PLXNC1: variants seen among roughly 807,000 people sequenced by gnomAD.
PLXNC1 encodes the protein plexin-C1.
PLXNC1 carries 75 observed loss-of-function variants against 178.2 expected under a neutral mutation model. The ratio of observed to expected loss-of-function variants is 0.42; its 90% CI spans 0.35 to 0.51. The LOEUF (loss-of-function observed/expected upper bound fraction) is 0.51, where lower values mean the gene tolerates loss of function less well. PLXNC1 is among the 20% of genes least tolerant of loss of function. PLXNC1 has a pLI of 0.02. For synonymous variants in PLXNC1, 790 were observed against 779.9 expected (o/e 1.01, Z -0.22); for missense variants, 1,503 against 1,984.4 (o/e 0.76, Z 4.61).
intron 4 of PLXNC1, among the ~76,000 whole-genome samples, chr12:94,200,821 C>T (rs1345127411): frequency 2.6e-5 from 4 of 152,188 alleles, no homozygotes; most frequent in Non-Finnish European, 2.9e-5. Flanking sequence ...GGCCACAAAC[C>T]CATTTTGTGT....
At chr12:94,256,964 CT>C (rs1334327796) in intron 17 of PLXNC1, among the ~76,000 whole-genome samples, 18 of 151,388 alleles carry the variant, frequency 1.2e-4, no homozygotes, top group African/African-American at 4.4e-4. Context: ...TGAAAAACAA[CT>C]GGGAAAGTCA....
Position 94,231,168 on chromosome 12 carries a change from G to T in PLXNC1, c.1980+3933G>T, listed in dbSNP as rs184191002. ...TGAAAACACTTAATCAGTGTGGTTG[G>T]TTAAGTCTTTGATTGATGGATGGAT... On this transcript the variant is annotated intron_variant, in intron 9 of 30. Coordinates refer to ENST00000258526, the MANE Select transcript of PLXNC1 (RefSeq NM_005761.3). Among the ~76,000 whole-genome samples, 229 of 152,316 alleles carry T rather than the reference G, an allele frequency of 1.5e-3. 1 individual carries two copies. Among genetic ancestry groups the T allele is most frequent in the African/African-American group, 5.4e-3 (225 of 41,570 alleles).
intron 6 of PLXNC1, among the ~76,000 whole-genome samples, chr12:94,220,526 G>T (rs10507034): frequency 6.6e-6 from 1 of 152,080 alleles, no homozygotes; most frequent in Non-Finnish European, 1.5e-5. Context: ...TGTTCCATCA[G>T]TTTGAGTTCA....
intron 2 of PLXNC1, among the ~76,000 whole-genome samples, chr12:94,177,422 G>A (rs73364609): frequency 0.15 from 22,402 of 148,134 alleles, 3,162 homozygotes; most frequent in African/African-American, 0.37. Flanking sequence ...GCCACGCTAA[G>A]TAGCTTTTTC....
chr12:94,304,710 C>T (rs914592740), intron 30 of PLXNC1, among the ~76,000 whole-genome samples: 5 of 152,126 alleles, frequency 3.3e-5, no homozygotes, highest in African/African-American at 1.2e-4. Context: ...GCAATGAGTT[C>T]TTAAACATGA....
At chr12:94,241,190 A>T (rs1964378218) in intron 11 of PLXNC1, among the ~76,000 whole-genome samples, 1 of 152,174 alleles carries the variant, frequency 6.6e-6, no homozygotes, top group African/African-American at 2.4e-5. Flanking sequence ...TGAATTTTTA[A>T]ATTTATTACT....
intron 14 of PLXNC1, 62 bp from the exon 15 acceptor site, chr12:94,251,364 A>G: frequency 1.0e-6 from 1 of 968,932 alleles, no homozygotes; most frequent in Non-Finnish European, 1.7e-6. Flanking sequence ...TAGGGGGGAA[A>G]TTATGTAAAT....
chr12:94,283,769 T>G (rs1022781567), intron 23 of PLXNC1, among the ~76,000 whole-genome samples: 1 of 152,144 alleles, frequency 6.6e-6, no homozygotes, highest in African/African-American at 2.4e-5. Flanking sequence ...TTAATCTGGG[T>G]GGTACCAGCT....
chr12:94,288,594 T>C (rs1488980476), intron 23 of PLXNC1, among the ~76,000 whole-genome samples: 1 of 152,256 alleles, frequency 6.6e-6, no homozygotes. Flanking sequence ...TCTGTGTGAT[T>C]TGACCAGCCT....
chr12:94,204,908 A>G (rs984983945), intron 4 of PLXNC1, among the ~76,000 whole-genome samples: 1 of 152,070 alleles, frequency 6.6e-6, no homozygotes, highest in South Asian at 2.1e-4. Context: ...AATCTTTGGA[A>G]CAGTTCACAC....
chr12:94,255,630 A>G (rs1213676270), intron 17 of PLXNC1, among the ~76,000 whole-genome samples: 1 of 152,226 alleles, frequency 6.6e-6, no homozygotes, highest in South Asian at 2.1e-4. Flanking sequence ...TTAAAAATCA[A>G]TAAATTGTGA....
chr12:94,210,769 T>A lies in PLXNC1; in HGVS notation c.1554+1065T>A, dbSNP rs77845305. On this transcript the variant is annotated intron_variant, in intron 5 of 30. Transcript: ENST00000258526. Reference sequence around the variant, plus strand: ...CTGTTGTCTTCCTGGAGAAAAAAAATAATAATAATAACTTTCATACAAACT... The same window carrying A: ...CTGTTGTCTTCCTGGAGAAAAAAAAAAATAATAATAACTTTCATACAAACT... Among the ~76,000 whole-genome samples, 115 of 152,260 alleles carry A rather than the reference T, an allele frequency of 7.6e-4. 2 individuals carry two copies. The East Asian group carries it at 0.018, about 23-fold the overall frequency.
intron 4 of PLXNC1, among the ~76,000 whole-genome samples, chr12:94,197,998 G>C (rs1199179373): frequency 2.6e-5 from 4 of 152,160 alleles, no homozygotes; most frequent in African/African-American, 9.7e-5. Flanking sequence ...CTGAGTACCT[G>C]ATATGTGTCA....
intron 1 of PLXNC1, among the ~76,000 whole-genome samples, chr12:94,151,125 C>T (rs533287758): frequency 6.6e-6 from 1 of 152,220 alleles, no homozygotes; most frequent in Admixed American, 6.5e-5. Context: ...CAGAAATTAA[C>T]GGCTACAGGT....
At chr12:94,274,332 A>C in intron 21 of PLXNC1, among the ~76,000 whole-genome samples, 1 of 152,032 alleles carries the variant, frequency 6.6e-6, no homozygotes, top group South Asian at 2.1e-4. Flanking sequence ...GACCCTGTCT[A>C]TTAAAAAAGA....
chr12:94,252,554 A>G (rs1964726325), intron 15 of PLXNC1, among the ~76,000 whole-genome samples: 1 of 152,224 alleles, frequency 6.6e-6, no homozygotes, highest in Non-Finnish European at 1.5e-5. Flanking sequence ...GTCCACCAAT[A>G]TATTTTGTTT....
At chr12:94,287,673 G>T (rs1272098404) in intron 23 of PLXNC1, among the ~76,000 whole-genome samples, 1 of 152,160 alleles carries the variant, frequency 6.6e-6, no homozygotes, top group Non-Finnish European at 1.5e-5. Context: ...TAATTCAAAA[G>T]ATATTTAAAG....
intron 30 of PLXNC1, among the ~76,000 whole-genome samples, chr12:94,304,955 G>A (rs986693157): frequency 2.0e-5 from 3 of 152,224 alleles, no homozygotes; most frequent in Non-Finnish European, 2.9e-5. Context: ...ATATTTGTAA[G>A]CAAATAGTTG....
At chr12:94,226,790 G>A in intron 8 of PLXNC1, 83 bp downstream of exon 8, 7 of 958,332 alleles carry the variant, frequency 7.3e-6, no homozygotes, top group Non-Finnish European at 1.2e-5. Context: ...TTGGGAGGTC[G>A]AGGCGGGTGG....
Sources: gnomAD v4.1 joint callset for allele counts (sites outside exome capture counted in the v4.1 genomes callset) on GRCh38, gnomAD v4.1.1 for gene constraint, MANE v1.5 for transcripts, NCBI Gene and HGNC (gene_info 2026-07-23, HGNC 2026-07-21) for gene names.